The following FPR1 variants were observed in gnomAD, a reference collection of about 807,000 sequenced individuals.
FPR1 encodes formyl peptide receptor 1, also known as N-formyl peptide receptor 1.
For synonymous variants in FPR1, 193 were observed against 176.7 expected (o/e 1.09, Z -0.73); for missense variants, 407 against 453.0 (o/e 0.90, Z 0.92).
chr19:51,746,317 G>A lies in FPR1; in HGVS notation c.678C>T (p.Thr226=). The A allele has an allele frequency of 6.2e-7, 1 of 1,614,172 alleles. No homozygotes were observed. Among genetic ancestry groups the A allele is most frequent in the Non-Finnish European group, 8.5e-7 (1 of 1,180,038 alleles). The change falls in exon 2 of 2, where the codon ACC becomes ACT. Residue 226 remains threonine (T), a synonymous_variant. Coordinates refer to ENST00000304748, the MANE Select transcript of FPR1 (RefSeq NM_002029.4). The surrounding 1 kb of genome is among the most constrained non-coding windows in gnomAD (Gnocchi z 4.3). ...IVAVSYGLIA[T]KIHKQGLIKS... Reference sequence around the variant, plus strand: ...TAATCAAGCCTTGCTTGTGGATCTTGGTGGCAATAAGCCCATAACTGACAG... The same window carrying A: ...TAATCAAGCCTTGCTTGTGGATCTTAGTGGCAATAAGCCCATAACTGACAG...
intron 1 of FPR1, chr19:51,750,309 T>A (rs1017067592): frequency 6.6e-6 from 1 of 152,228 alleles, no homozygotes; most frequent in African/African-American, 2.4e-5. Flanking sequence ...AAAAATATTG[T>A]GACCATCTCA....
intron 1 of FPR1, among the ~76,000 whole-genome samples, 164 bp from the exon 2 acceptor site, chr19:51,747,169 C>T (rs2083753528): frequency 6.6e-6 from 1 of 152,010 alleles, no homozygotes; most frequent in Non-Finnish European, 1.5e-5. Context: ...TTACACATGC[C>T]CACATCTATA....
At chr19:51,751,193 T>C (rs1274610319) in intron 1 of FPR1, among the ~76,000 whole-genome samples, 1 of 152,158 alleles carries the variant, frequency 6.6e-6, no homozygotes, top group African/African-American at 2.4e-5. Context: ...CCCTCATCTC[T>C]GTAACCAGAA....
At chr19:51,750,363 T>C (rs1178635133) in intron 1 of FPR1, 2 of 152,236 alleles carry the variant, frequency 1.3e-5, no homozygotes, top group Non-Finnish European at 2.9e-5. Flanking sequence ...GATAATAATT[T>C]GGCTATTTAA....
chr19:51,748,845 A>C (rs775018886), intron 1 of FPR1, among the ~76,000 whole-genome samples: 28 of 152,254 alleles, frequency 1.8e-4, no homozygotes, highest in Middle Eastern at 3.2e-3. Context: ...AGTGGGCGAC[A>C]GCTTCAGTGA....
rs1011722116 is a variant in FPR1, at chr19:51,746,301, C to T, written c.694G>A (p.Gly232Ser). Reference sequence around the variant, plus strand: ...AAGGGACGACTGGACTTAATCAAGCCTTGCTTGTGGATCTTGGTGGCAATA... The same window carrying T: ...AAGGGACGACTGGACTTAATCAAGCTTTGCTTGTGGATCTTGGTGGCAATA... ...GLIATKIHKQ[G>S]LIKSSRPLRV... The change falls in exon 2 of 2, where the codon GGC becomes AGC. Residue 232 changes from glycine to serine, a missense_variant. Transcript: ENST00000304748. The surrounding 1 kb of genome is among the most constrained non-coding windows in gnomAD (Gnocchi z 4.3). 1.2e-6 allele frequency: 2 copies of T among 1,614,176 alleles called. No homozygotes were observed. The highest frequency in any genetic ancestry group is 2.2e-5 in the South Asian group (2 of 91,074).
At position 51,746,665 on chromosome 19, in the gene FPR1, G is replaced by A. The variant is rs539229723; in HGVS notation, c.330C>T (p.Phe110=). The change falls in exon 2 of 2, where the codon TTC becomes TTT. Residue 110 remains phenylalanine, a synonymous_variant. Transcript: ENST00000304748. The surrounding 1 kb of genome is among the most constrained non-coding windows in gnomAD (Gnocchi z 4.3). The part of the protein sequence containing the change: ...FVFTIVDINL[F]GSVFLIALIA... ...TGAGGGCGATCAGGAAGACACTTCCGAACAAGTTGATGTCCACTATGGTAA... is the reference window on the plus strand; with the variant it reads ...TGAGGGCGATCAGGAAGACACTTCCAAACAAGTTGATGTCCACTATGGTAA... The A allele has an allele frequency of 3.0e-5, 49 of 1,614,156 alleles. No homozygotes were observed. Among genetic ancestry groups the A allele is most frequent in the African/African-American group, 1.1e-4 (8 of 75,030 alleles).
In FPR1 at chr19:51,745,927, C is replaced by T; in HGVS notation, c.*15G>A. 3.1e-6 allele frequency: 5 copies of T among 1,596,558 alleles called. No individual in the cohort carries two copies. Among genetic ancestry groups the T allele is most frequent in the Non-Finnish European group, 4.3e-6 (5 of 1,166,000 alleles). ...GCTGGAGCTGGGAGCTCGAAAGTGT[C>T]CCCCAGCTCCCTCCTCACTTTGCCT... On this transcript the variant is annotated 3_prime_UTR_variant, in exon 2 of 2. Transcript: ENST00000304748.
chr19:51,748,039 G>A (rs1204128229), intron 1 of FPR1, among the ~76,000 whole-genome samples: 1 of 152,176 alleles, frequency 6.6e-6, no homozygotes, highest in Non-Finnish European at 1.5e-5. Context: ...TGTAGTCCTA[G>A]CTACTCAGAA....
intron 1 of FPR1, among the ~76,000 whole-genome samples, chr19:51,747,264 G>A (rs1401865392): frequency 6.7e-6 from 1 of 148,932 alleles, no homozygotes; most frequent in African/African-American, 2.6e-5. Context: ...TGTCACCCAG[G>A]CTGGAGTGCA....
chr19:51,750,637 A>T (rs2083774711), intron 1 of FPR1: 1 of 152,244 alleles, frequency 6.6e-6, no homozygotes, highest in South Asian at 2.1e-4. Context: ...GGATTCTGCA[A>T]TAATGAGCTG....
At chr19:51,748,716 G>A (rs746143925) in intron 1 of FPR1, among the ~76,000 whole-genome samples, 6 of 152,046 alleles carry the variant, frequency 3.9e-5, no homozygotes, top group African/African-American at 1.2e-4. Context: ...CCGCCTCGGC[G>A]TCCCAAAGTG....
At chr19:51,747,564 C>A (rs1419877410) in intron 1 of FPR1, among the ~76,000 whole-genome samples, 1 of 152,018 alleles carries the variant, frequency 6.6e-6, no homozygotes, top group Non-Finnish European at 1.5e-5. Context: ...ACATGCAAGC[C>A]CCTACCAGGG....
chr19:51,746,694 C>G lies in FPR1; in HGVS notation c.301G>C (p.Val101Leu), dbSNP rs2070745. 600,395 of 1,613,728 alleles carry G rather than the reference C, an allele frequency of 0.37. 114,578 individuals are homozygous for G. The highest frequency in any genetic ancestry group is 0.57 in the Admixed American group (33,962 of 59,980). The change falls in exon 2 of 2, where the codon GTC (valine) becomes CTC (leucine). Residue 101 changes from valine to leucine, a missense_variant. Transcript: ENST00000304748. This position sits in a 1 kb window ranked among gnomAD's most constrained non-coding sequence, Gnocchi z 4.3. ...AAGTTGATGTCCACTATGGTAAAGA[C>G]GAATTTGCACAGGAACCAGCCGAAA... The part of the protein sequence containing the change: ...WPFGWFLCKF[V>L]FTIVDINLFG...
chr19:51,747,855 A>T (rs1227535000), intron 1 of FPR1, among the ~76,000 whole-genome samples: 1 of 152,132 alleles, frequency 6.6e-6, no homozygotes, highest in Non-Finnish European at 1.5e-5. Context: ...TAAACAAAAG[A>T]GGGCTGGATG....
intron 1 of FPR1, among the ~76,000 whole-genome samples, chr19:51,747,221 C>CTTTTTTTTTTT (rs55849683): frequency 2.1e-5 from 3 of 141,542 alleles, no homozygotes; most frequent in African/African-American, 8.0e-5. Context: ...AAGATTACAT[C>CTTTTTTTTTTT]TTTTTTTTTT....
At chr19:51,749,295 C>G (rs977183021) in intron 1 of FPR1, among the ~76,000 whole-genome samples, 1 of 152,122 alleles carries the variant, frequency 6.6e-6, no homozygotes, top group Non-Finnish European at 1.5e-5. Context: ...ATCTCCCTTT[C>G]CTCTCTCATC....
chr19:51,749,436 A>G (rs2083767850), intron 1 of FPR1, among the ~76,000 whole-genome samples: 1 of 151,558 alleles, frequency 6.6e-6, no homozygotes, highest in East Asian at 1.9e-4. Context: ...AGAACAACAG[A>G]CTCTGTTTCC....
At chr19:51,749,568 T>C (rs2083768651) in intron 1 of FPR1, among the ~76,000 whole-genome samples, 1 of 152,214 alleles carries the variant, frequency 6.6e-6, no homozygotes, top group Non-Finnish European at 1.5e-5. Flanking sequence ...AAATATGTAT[T>C]GGATATGACA....
Sources: allele counts gnomAD v4.1 joint callset (sites outside exome capture counted in the v4.1 genomes callset), GRCh38; gene constraint gnomAD v4.1.1; non-coding constraint Gnocchi (gnomAD v3.1); transcripts MANE v1.5; gene names NCBI Gene and HGNC (gene_info 2026-07-23, HGNC 2026-07-21).